MGST2: variants seen among roughly 807,000 people sequenced by gnomAD.
MGST2 encodes glutathione peroxidase MGST2.
A neutral mutation model predicts 16.6 loss-of-function variants in MGST2; 9 were observed. The observed-to-expected ratio is 0.54, with a 90% confidence interval of 0.33 to 0.95. MGST2 has a LOEUF of 0.95. Among genes scored for constraint, MGST2 ranks in the 40% least tolerant of loss-of-function variants. MGST2 has a pLI of 0.03. For missense variants in MGST2, 159 were observed against 175.1 expected, an observed-to-expected ratio of 0.91 and a Z score of 0.52; for synonymous variants, 79 against 68.0, an observed-to-expected ratio of 1.16 and a Z score of -0.79.
chr4:139,698,836 TC>T, intron 3 of MGST2, among the ~76,000 whole-genome samples: 1 of 152,206 alleles, frequency 6.6e-6, no homozygotes, highest in African/African-American at 2.4e-5. Context: ...TTTTTTTTTT[TC>T]CACTGGTCCT....
At chr4:139,749,355 T>C in the MGST2 span, among the ~76,000 whole-genome samples, 1 of 152,206 alleles carries the variant, frequency 6.6e-6, no homozygotes, top group Non-Finnish European at 1.5e-5. Flanking sequence ...GGCCAAGTTA[T>C]AGGTTTGGTG....
chr4:139,749,496 T>C, the MGST2 span, among the ~76,000 whole-genome samples: 3 of 152,164 alleles, frequency 2.0e-5, no homozygotes, highest in Non-Finnish European at 4.4e-5. Flanking sequence ...ACAGACACAG[T>C]ACTCATGGCA....
chr4:139,694,424 G>A (rs1006055047), intron 2 of MGST2, among the ~76,000 whole-genome samples: 2 of 151,918 alleles, frequency 1.3e-5, no homozygotes, highest in African/African-American at 4.8e-5. Context: ...CTTTCTGGTG[G>A]TGAAATTGTC....
chr4:139,712,657 G>A (rs1727786301), intron 5 of MGST2, among the ~76,000 whole-genome samples: 1 of 152,062 alleles, frequency 6.6e-6, no homozygotes, highest in African/African-American at 2.4e-5. Flanking sequence ...GTCCTTTTGA[G>A]GTCCCAAGAT....
intron 2 of MGST2, among the ~76,000 whole-genome samples, chr4:139,691,875 T>C (rs1340466733): frequency 6.6e-6 from 1 of 152,094 alleles, no homozygotes; most frequent in African/African-American, 2.4e-5. Flanking sequence ...ATTTTTTATA[T>C]TTTTTAAGTA....
chr4:139,693,854 T>A (rs1726760557), intron 2 of MGST2, among the ~76,000 whole-genome samples: 1 of 152,204 alleles, frequency 6.6e-6, no homozygotes, highest in Non-Finnish European at 1.5e-5. Context: ...ATTATCCATT[T>A]CCAATTTTTT....
intron 5 of MGST2, among the ~76,000 whole-genome samples, chr4:139,725,131 A>G (rs1193883577): frequency 2.0e-5 from 3 of 152,170 alleles, no homozygotes; most frequent in Non-Finnish European, 1.5e-5. Context: ...AGGAGTGCCA[A>G]CACTGACATA....
At chr4:139,736,534 T>G (rs1183210797) in intron 5 of MGST2, among the ~76,000 whole-genome samples, 2 of 148,010 alleles carry the variant, frequency 1.4e-5, no homozygotes, top group Non-Finnish European at 3.0e-5. Context: ...TCCTTGACAA[T>G]GGAAATTTTG....
intron 1 of MGST2, among the ~76,000 whole-genome samples, chr4:139,677,238 G>A (rs563987722): frequency 6.6e-6 from 1 of 152,156 alleles, no homozygotes; most frequent in Admixed American, 6.5e-5. Flanking sequence ...TGACATAAAA[G>A]GACATGCCCG....
At chr4:139,744,097 C>T (rs1396923280), downstream of MGST2, among the ~76,000 whole-genome samples, 4 of 152,286 alleles carry the variant, frequency 2.6e-5, no homozygotes, top group Admixed American at 2.6e-4. Context: ...GCACAAACAC[C>T]TTGGGTAGGA....
intron 3 of MGST2, among the ~76,000 whole-genome samples, chr4:139,700,039 AAAT>A (rs1435904287): frequency 3.3e-5 from 5 of 151,918 alleles, no homozygotes; most frequent in East Asian, 1.9e-4. Flanking sequence ...CTCAAAAAGA[AAAT>A]AATAATAATT....
intron 5 of MGST2, chr4:139,716,618 C>T (rs1195352784): frequency 6.6e-6 from 1 of 152,508 alleles, no homozygotes; most frequent in African/African-American, 2.4e-5. Context: ...TGATCTCTCC[C>T]ATTAAATAAA....
chr4:139,700,354 A>G (rs1727183987), intron 3 of MGST2, among the ~76,000 whole-genome samples: 1 of 151,262 alleles, frequency 6.6e-6, no homozygotes, highest in African/African-American at 2.4e-5. Context: ...GATGGTCTCG[A>G]TCTCCTGATC....
chr4:139,699,968 G>T (rs971506914), intron 3 of MGST2, among the ~76,000 whole-genome samples: 4 of 151,986 alleles, frequency 2.6e-5, no homozygotes, highest in African/African-American at 9.7e-5. Context: ...AGAGTTTCAG[G>T]CTGCAGTGAA....
chr4:139,736,613 CCAGTATGGG>C (rs1305663453), intron 5 of MGST2, among the ~76,000 whole-genome samples: 2 of 152,268 alleles, frequency 1.3e-5, no homozygotes, highest in Non-Finnish European at 2.9e-5. Context: ...CTCCCCATTC[CCAGTATGGG>C]CAATTTGGGA....
intron 5 of MGST2, chr4:139,730,282 T>C (rs1051917180): frequency 2.6e-6 from 2 of 782,220 alleles, no homozygotes; most frequent in Non-Finnish European, 4.2e-6. Flanking sequence ...CAGGTTCTCT[T>C]GTGATCCTGG....
intron 3 of MGST2, among the ~76,000 whole-genome samples, chr4:139,696,279 A>G (rs1324404649): frequency 6.6e-6 from 1 of 152,174 alleles, no homozygotes; most frequent in Non-Finnish European, 1.5e-5. Flanking sequence ...TTATAGAAAT[A>G]TCATTTCTGA....
At chr4:139,702,844 G>GTTTTTTTTTTTTTT (rs70943436) in intron 3 of MGST2, among the ~76,000 whole-genome samples, 983 of 46,268 alleles carry the variant, frequency 0.021, 103 homozygotes, top group Non-Finnish European at 0.033. Flanking sequence ...TGTGTTACTG[G>GTTTTTTTTTTTTTT]TTTTTTTTTT....
chr4:139,720,523 TAC>T (rs1212714118), intron 5 of MGST2, among the ~76,000 whole-genome samples: 3 of 152,092 alleles, frequency 2.0e-5, no homozygotes, highest in South Asian at 2.1e-4. Context: ...TGTTAAAAAA[TAC>T]AGAGACAAAA....
Sources: allele counts gnomAD v4.1 joint callset (sites outside exome capture counted in the v4.1 genomes callset), GRCh38; gene constraint gnomAD v4.1.1; transcripts MANE v1.5; gene names NCBI Gene and HGNC (gene_info 2026-07-23, HGNC 2026-07-21).